SLC24A2: variants seen among roughly 807,000 people sequenced by gnomAD.
SLC24A2 encodes sodium/potassium/calcium exchanger 2.
Under a neutral mutation model 62.0 loss-of-function variants are expected in SLC24A2, and 36 were observed. That is an observed-to-expected ratio of 0.58 (90% CI 0.44 to 0.77). SLC24A2 has a LOEUF of 0.77. Ranked by LOEUF, SLC24A2 falls within the 30% of genes least tolerant of loss-of-function variation. The probability of loss-of-function intolerance (pLI) is 0.00; values close to 1 mark genes in which losing one functional copy is unlikely to be tolerated. For synonymous variants in SLC24A2, 358 were observed against 294.0 expected, an observed-to-expected ratio of 1.22 and a Z score of -2.23; for missense variants, 846 against 817.9, an observed-to-expected ratio of 1.03 and a Z score of -0.42.
chr9:19,832,145 G>A, the SLC24A2 span, among the ~76,000 whole-genome samples: 1 of 152,180 alleles, frequency 6.6e-6, no homozygotes. Context: ...TTCAGAATAG[G>A]CAGAATCTAA....
the SLC24A2 span, among the ~76,000 whole-genome samples, chr9:20,191,605 G>T: frequency 6.6e-6 from 1 of 151,294 alleles, no homozygotes; most frequent in East Asian, 1.9e-4. Flanking sequence ...TTATCATATG[G>T]ATCCACCAGG....
At position 19,511,815 on chromosome 9, in the gene SLC24A2, A is replaced by G. The variant is rs1320678111; in HGVS notation, c.*4338T>C. 1 of 152,212 alleles carries G rather than the reference A, an allele frequency of 6.6e-6. No individual in the cohort carries two copies. The highest frequency in any genetic ancestry group is 1.5e-5 in the Non-Finnish European group (1 of 68,044). 9.4% of individuals were successfully genotyped at this position (152,212 alleles called of 1,614,324 possible). A position where few individuals can be genotyped will look rare whatever the true frequency, so the allele number is the denominator to read the frequency against. Reference sequence around the variant, plus strand: ...CCTATAATAGGGCCACCTACTTACCAGAAAAACAATCTGTCCAGGTGCAAG... The same window carrying G: ...CCTATAATAGGGCCACCTACTTACCGGAAAAACAATCTGTCCAGGTGCAAG... On this transcript the variant is annotated 3_prime_UTR_variant, in exon 11 of 11. Transcript: ENST00000341998.
the SLC24A2 span, among the ~76,000 whole-genome samples, chr9:20,232,475 T>C: frequency 6.6e-6 from 1 of 152,214 alleles, no homozygotes; most frequent in East Asian, 1.9e-4. Flanking sequence ...AGGATGTACG[T>C]GTCGAGGAAT....
the SLC24A2 span, among the ~76,000 whole-genome samples, chr9:20,269,270 T>G: frequency 6.6e-6 from 1 of 152,090 alleles, no homozygotes; most frequent in Non-Finnish European, 1.5e-5. Flanking sequence ...GGAGGGCAGG[T>G]GTTTTTATCC....
intron 8 of SLC24A2, among the ~76,000 whole-genome samples, chr9:19,539,401 G>A (rs1459518206): frequency 6.6e-6 from 1 of 151,440 alleles, no homozygotes; most frequent in Non-Finnish European, 1.5e-5. Context: ...TCTGGTATGT[G>A]GTGTCTTTGT....
the SLC24A2 span, among the ~76,000 whole-genome samples, chr9:19,833,456 T>C: frequency 5.1e-4 from 77 of 152,152 alleles, no homozygotes; most frequent in Non-Finnish European, 1.0e-3. Flanking sequence ...GAGGGTCCTA[T>C]GCCCATGGAA....
intron 8 of SLC24A2, among the ~76,000 whole-genome samples, chr9:19,529,722 A>AT (rs1344507666): frequency 3.4e-5 from 5 of 147,220 alleles, no homozygotes; most frequent in African/African-American, 1.3e-4. Flanking sequence ...AAAGGTAATC[A>AT]TTTTTTTAAA....
chr9:19,675,936 G>A (rs2118353874), intron 2 of SLC24A2, among the ~76,000 whole-genome samples: 1 of 152,220 alleles, frequency 6.6e-6, no homozygotes, highest in East Asian at 1.9e-4. Flanking sequence ...TCTTCCTGTG[G>A]TCTTTTCCAG....
At chr9:20,176,481 C>T in the SLC24A2 span, among the ~76,000 whole-genome samples, 1 of 151,804 alleles carries the variant, frequency 6.6e-6, no homozygotes, top group African/African-American at 2.4e-5. Context: ...AATAAAAAAC[C>T]TTTTTCAGAA....
chr9:19,893,807 G>A, the SLC24A2 span, among the ~76,000 whole-genome samples: 4 of 152,264 alleles, frequency 2.6e-5, no homozygotes, highest in East Asian at 7.7e-4. Flanking sequence ...CACAGGGTTA[G>A]GGTCAGGCTT....
chr9:20,086,257 C>T, the SLC24A2 span, among the ~76,000 whole-genome samples: 6 of 152,180 alleles, frequency 3.9e-5, no homozygotes, highest in Middle Eastern at 3.4e-3. Context: ...CTCAAATAGC[C>T]CATCCTCCCC....
the SLC24A2 span, among the ~76,000 whole-genome samples, chr9:19,876,825 G>C: frequency 6.6e-6 from 1 of 151,956 alleles, no homozygotes; most frequent in African/African-American, 2.4e-5. Flanking sequence ...CATATTTGTG[G>C]TTCACCAAAA....
the SLC24A2 span, among the ~76,000 whole-genome samples, chr9:19,911,496 G>A: frequency 6.6e-6 from 1 of 152,174 alleles, no homozygotes; most frequent in Admixed American, 6.5e-5. Context: ...TTGCCACACT[G>A]TGGAAGTCAG....
the SLC24A2 span, among the ~76,000 whole-genome samples, chr9:20,103,425 G>A: frequency 2.0e-5 from 3 of 152,186 alleles, no homozygotes; most frequent in African/African-American, 4.8e-5. Context: ...TGACCCCCGA[G>A]CAGCCTAACT....
At chr9:20,143,281 C>T in the SLC24A2 span, among the ~76,000 whole-genome samples, 4 of 152,084 alleles carry the variant, frequency 2.6e-5, no homozygotes, top group Non-Finnish European at 4.4e-5. Flanking sequence ...TTATAGCTAC[C>T]AGCTGCCAAC....
chr9:19,947,446 G>C, the SLC24A2 span, among the ~76,000 whole-genome samples: 2 of 149,080 alleles, frequency 1.3e-5, no homozygotes, highest in African/African-American at 4.9e-5. Context: ...AAGGAAGGAA[G>C]GGAAAGAAAG....
At chr9:20,204,582 G>C in the SLC24A2 span, among the ~76,000 whole-genome samples, 1 of 152,096 alleles carries the variant, frequency 6.6e-6, no homozygotes, top group African/African-American at 2.4e-5. Flanking sequence ...AAAGCAATGG[G>C]AGGTAAAGCT....
the SLC24A2 span, among the ~76,000 whole-genome samples, chr9:20,266,721 C>T: frequency 7.2e-5 from 11 of 152,330 alleles, 1 homozygote; most frequent in South Asian, 1.2e-3. Context: ...TTGAAAATCT[C>T]TGTATCCTTG....
At chr9:19,825,103 T>G in the SLC24A2 span, among the ~76,000 whole-genome samples, 2 of 152,106 alleles carry the variant, frequency 1.3e-5, no homozygotes, top group African/African-American at 4.8e-5. Flanking sequence ...GATTGATAGG[T>G]GCAGCAGAAC....
Sources: gnomAD v4.1 joint callset for allele counts (sites outside exome capture counted in the v4.1 genomes callset) on GRCh38, gnomAD v4.1.1 for gene constraint, MANE v1.5 for transcripts, NCBI Gene and HGNC (gene_info 2026-07-23, HGNC 2026-07-21) for gene names.